The following NUB1 variants were observed in gnomAD, a reference collection of about 807,000 sequenced individuals.
NUB1 encodes NEDD8 ultimate buster 1.
A neutral mutation model predicts 77.1 loss-of-function variants in NUB1; 41 were observed. The ratio of observed to expected loss-of-function variants is 0.53; its 90% CI spans 0.41 to 0.69. The LOEUF (loss-of-function observed/expected upper bound fraction) is 0.69. Among genes scored for constraint, NUB1 ranks in the 30% least tolerant of loss-of-function variants. NUB1 has a pLI of 0.00. For synonymous variants in NUB1, 257 were observed against 281.0 expected (o/e 0.91, Z 0.85); for missense variants, 643 against 743.8 (o/e 0.86, Z 1.58).
chr7:151,352,264 C>A, intron 4 of NUB1: 1 of 406,874 alleles, frequency 2.5e-6, no homozygotes, highest in Non-Finnish European at 5.0e-6. Flanking sequence ...ACTGTGGTCT[C>A]CACTGCCTGA....
At chr7:151,373,753 C>T (rs1445517575) in intron 11 of NUB1, among the ~76,000 whole-genome samples, 2 of 152,228 alleles carry the variant, frequency 1.3e-5, no homozygotes, top group South Asian at 2.1e-4. Context: ...GAAGAGAATC[C>T]ATGCACCTCA....
At chr7:151,374,443 G>C (rs1447974931) in intron 12 of NUB1, 200 bp downstream of exon 12, 1 of 686,252 alleles carries the variant, frequency 1.5e-6, no homozygotes, top group African/African-American at 1.8e-5. Context: ...CTCAGTGCTT[G>C]GCCCAGGCCT....
At chr7:151,350,690 T>C (rs1350453570) in intron 3 of NUB1, among the ~76,000 whole-genome samples, 1 of 152,364 alleles carries the variant, frequency 6.6e-6, no homozygotes. Flanking sequence ...ACTATTCTTA[T>C]TCTATATATT....
chr7:151,352,698 C>T (rs1796872297), intron 4 of NUB1, 114 bp from the exon 5 acceptor site: 5 of 674,044 alleles, frequency 7.4e-6, no homozygotes, highest in Non-Finnish European at 1.0e-5. Context: ...CCACCTTGGC[C>T]TCCCAGGGTG....
intron 9 of NUB1, among the ~76,000 whole-genome samples, chr7:151,367,483 G>C (rs1411341449): frequency 6.6e-6 from 1 of 152,166 alleles, no homozygotes; most frequent in Admixed American, 6.5e-5. Context: ...ACGTGAATGA[G>C]TCACAGCTCA....
chr7:151,360,040 T>C (rs1257766874), intron 7 of NUB1, 101 bp from the exon 8 acceptor site: 1 of 584,092 alleles, frequency 1.7e-6, no homozygotes, highest in East Asian at 2.8e-5. Flanking sequence ...GATCTTGTTT[T>C]CATTTTTTTT....
rs184300655 is a variant in NUB1, at chr7:151,358,461, G to A, written c.694-1680G>A. On this transcript the variant is annotated intron_variant, in intron 7 of 14. Transcript: ENST00000568733. ...GAGCAGCAGGCAAGTGAGCGTCACC[G>A]CCTGAGCTCCACCTCCTGTCAGATC... is the stretch of plus-strand genomic sequence containing the variant. 7.6e-3 allele frequency among the ~76,000 whole-genome samples: 1,156 copies of A among 152,322 alleles called. 7 individuals carry two copies. Among genetic ancestry groups the A allele is most frequent in the African/African-American group, 0.027 (1,104 of 41,564 alleles).
intron 1 of NUB1, 87 bp downstream of exon 1, chr7:151,341,933 C>T (rs2150650144): frequency 7.2e-7 from 1 of 1,391,392 alleles, no homozygotes; most frequent in East Asian, 3.1e-5. Context: ...GGGCACCTCT[C>T]CTGGCCAGGG....
At chr7:151,356,250 G>A in intron 7 of NUB1, 28 bp downstream of exon 7, 7 of 1,518,122 alleles carry the variant, frequency 4.6e-6, no homozygotes, top group Non-Finnish European at 6.4e-6. Context: ...TGTGTGGCCT[G>A]TTCTTAGATT....
intron 2 of NUB1, among the ~76,000 whole-genome samples, chr7:151,346,832 A>T (rs1796524226): frequency 6.6e-6 from 1 of 152,180 alleles, no homozygotes; most frequent in South Asian, 2.1e-4. Flanking sequence ...AAATCATGGA[A>T]CCTGAAGGGG....
intron 10 of NUB1, among the ~76,000 whole-genome samples, 180 bp from the exon 11 acceptor site, chr7:151,368,555 G>A (rs888575888): frequency 6.6e-6 from 1 of 152,238 alleles, no homozygotes; most frequent in African/African-American, 2.4e-5. Flanking sequence ...GTGAGTAGAG[G>A]TAGTGTTGGT....
chr7:151,348,640 A>G (rs1380871282), intron 2 of NUB1, among the ~76,000 whole-genome samples: 5 of 133,700 alleles, frequency 3.7e-5, no homozygotes, highest in Non-Finnish European at 7.6e-5. Flanking sequence ...CAGTGGCACA[A>G]TCTTGGCTCA....
intron 13 of NUB1, 25 bp downstream of exon 13, chr7:151,375,968 CAGCTTGG>C (rs746673936): frequency 1.1e-5 from 16 of 1,471,144 alleles, no homozygotes; most frequent in Non-Finnish European, 1.4e-5. Context: ...TTTGTGCCCT[CAGCTTGG>C]ACAGCCTCGG....
chr7:151,341,921 C>G, intron 1 of NUB1, 75 bp downstream of exon 1: 1 of 1,409,898 alleles, frequency 7.1e-7, no homozygotes, highest in Non-Finnish European at 9.2e-7. Context: ...CCCGGTCCGA[C>G]TGGGCACCTC....
intron 8 of NUB1, among the ~76,000 whole-genome samples, chr7:151,362,988 C>T (rs446079): frequency 0.64 from 97,113 of 152,136 alleles, 32,824 homozygotes; most frequent in East Asian, 0.9. Context: ...TTTCACTTAA[C>T]AAAGCTTAAA....
chr7:151,376,100 G>A lies in NUB1; in HGVS notation c.1491+157G>A, dbSNP rs531629840. ...CCTGCCCACCTCAGAGGCCACCCAC[G>A]CAGTAACAGAGGGCAGGGGAGGCCT... On this transcript the variant is annotated intron_variant, in intron 13 of 14. Coordinates refer to ENST00000568733, the MANE Select transcript of NUB1 (RefSeq NM_001243351.2). 17 of 617,164 alleles carry A rather than the reference G, an allele frequency of 2.8e-5. No individual in the cohort carries two copies. The African/African-American group carries it at 2.9e-4, about 11-fold the overall frequency. The allele number at this position is 617,164 out of a possible 1,614,324, so 38.2% of individuals were successfully genotyped here.
chr7:151,346,030 T>C (rs986968599), intron 2 of NUB1, among the ~76,000 whole-genome samples: 1 of 152,230 alleles, frequency 6.6e-6, no homozygotes, highest in Non-Finnish European at 1.5e-5. Flanking sequence ...ACAGTACTCA[T>C]TTTTGCCAGA....
chr7:151,367,967 AG>A lies in NUB1; in HGVS notation c.1095+1del, dbSNP rs764532360. On this transcript the variant is annotated frameshift_variant and splice_region_variant, in exon 10 of 15. Transcript: ENST00000568733. LOFTEE classifies it high-confidence loss of function. Reference protein sequence around the residue: ...NDVEAYEYLNKARQLFKELYI... With the variant: ...NDVEAYEYLNXARQLFKELYI... ...GTAGAGGCTTATGAGTATCTTAACA[AG>A]GTAAGAAAAGTAAAGTTGTAACCAA... The A allele has an allele frequency of 6.5e-7, 1 of 1,533,564 alleles. No individual in the cohort carries two copies. 95.0% of individuals were successfully genotyped at this position (1,533,564 alleles called of 1,614,324 possible).
In NUB1 at chr7:151,355,803, G is replaced by C. The variant is rs1265147355; in HGVS notation, c.451G>C (p.Val151Leu). Residue 151 changes from valine (V) to leucine (L), a missense_variant, in exon 6 of 15, where the codon GTG becomes CTG. By Grantham distance (32) the Val-to-Leu change is conservative. Coordinates refer to ENST00000568733, the MANE Select transcript of NUB1 (RefSeq NM_001243351.2). ...TLEEQGVAHN[V>L]KAMVLELKQS... Reference sequence around the variant, plus strand: ...TGAAGAACAAGGCGTGGCTCACAATGTGAAAGCGATGGTGCTTGAACTAAA... The same window carrying C: ...TGAAGAACAAGGCGTGGCTCACAATCTGAAAGCGATGGTGCTTGAACTAAA... The C allele has an allele frequency of 1.2e-6, 2 of 1,606,616 alleles. No individual in the cohort carries two copies.
Sources: gnomAD v4.1 joint callset for allele counts (sites outside exome capture counted in the v4.1 genomes callset) on GRCh38, gnomAD v4.1.1 for gene constraint, MANE v1.5 for transcripts, NCBI Gene and HGNC (gene_info 2026-07-23, HGNC 2026-07-21) for gene names.